The following CCNY variants were observed in gnomAD, a reference collection of about 807,000 sequenced individuals.
CCNY encodes the protein cyclin-Y.
A neutral mutation model predicts 42.8 loss-of-function variants in CCNY; 19 were observed. The observed-to-expected ratio is 0.44, with a 90% CI of 0.31 to 0.65. CCNY has a LOEUF of 0.65. Ranked by LOEUF, CCNY falls within the 30% of genes least tolerant of loss-of-function variation. The pLI is 0.07. For synonymous variants in CCNY, 165 were observed against 162.7 expected (o/e 1.01, Z -0.11); for missense variants, 370 against 437.3 (o/e 0.85, Z 1.37).
At chr10:35,248,694 G>A (rs562190866) in intron 2 of CCNY, among the ~76,000 whole-genome samples, 1 of 151,604 alleles carries the variant, frequency 6.6e-6, no homozygotes, top group African/African-American at 2.4e-5. Flanking sequence ...GACTAGGGCT[G>A]GGTGCAGTGT....
intron 8 of CCNY, among the ~76,000 whole-genome samples, chr10:35,564,153 T>G (rs1174098822): frequency 6.7e-6 from 1 of 150,326 alleles, no homozygotes; most frequent in Non-Finnish European, 1.5e-5. Flanking sequence ...GTGCTGAGAT[T>G]ACAGGTGTGA....
chr10:35,270,511 G>A (rs376191797), intron 3 of CCNY, among the ~76,000 whole-genome samples: 3 of 151,984 alleles, frequency 2.0e-5, no homozygotes, highest in African/African-American at 7.3e-5. Context: ...TTCAGATTTT[G>A]TTCTCACTAT....
chr10:35,534,666 C>G (rs751535321), intron 7 of CCNY, among the ~76,000 whole-genome samples: 17 of 151,982 alleles, frequency 1.1e-4, no homozygotes, highest in Non-Finnish European at 2.1e-4. Flanking sequence ...GTACATTGTA[C>G]AACCATCACT....
intron 1 of CCNY, among the ~76,000 whole-genome samples, chr10:35,434,655 G>T (rs900164897): frequency 8.5e-5 from 13 of 152,174 alleles, no homozygotes; most frequent in African/African-American, 3.1e-4. Context: ...CACTTAGGAA[G>T]TATCACTCTT....
At position 35,521,591 on chromosome 10, in the gene CCNY, T is replaced by C. The variant is rs552943677; in HGVS notation, c.366-4373T>C. 1.6e-3 allele frequency among the ~76,000 whole-genome samples: 237 copies of C among 152,366 alleles called. 1 individual carries two copies. Among genetic ancestry groups the C allele is most frequent in the African/African-American group, 5.4e-3 (225 of 41,598 alleles). ...CAGCACTCCTCCGTCGGACAGCACC[T>C]ACATGGCTCCTGGGCTGTTCTCTGA... is the stretch of plus-strand genomic sequence containing the variant. On this transcript the variant is annotated intron_variant, in intron 4 of 9. Coordinates refer to ENST00000374704, the MANE Select transcript of CCNY (RefSeq NM_145012.6).
chr10:35,336,776 C>G lies in CCNY; in HGVS notation c.-278C>G, dbSNP rs1388626149. 1 of 147,112 alleles carries G rather than the reference C, an allele frequency of 6.8e-6. No homozygotes were observed. The highest frequency in any genetic ancestry group is 1.5e-5 in the Non-Finnish European group (1 of 66,012). 9.1% of individuals were successfully genotyped at this position (147,112 alleles called of 1,614,324 possible). A position where few individuals can be genotyped will look rare whatever the true frequency, so the allele number is the denominator to read the frequency against. ...GAGGTAGGCGCGGCGGCCGCAGTCG[C>G]GCGGACCCGAGCGCTCCTCCGCCGC... is the stretch of plus-strand genomic sequence containing the variant. On this transcript the variant is annotated 5_prime_UTR_variant, in exon 1 of 10. Transcript: ENST00000374704.
At chr10:35,283,399 G>A (rs1282174295) in intron 3 of CCNY, among the ~76,000 whole-genome samples, 2 of 151,682 alleles carry the variant, frequency 1.3e-5, no homozygotes, top group African/African-American at 4.8e-5. Context: ...CAAGTGTAAG[G>A]ACAGTTTTTT....
chr10:35,413,458 G>A (rs188526084), intron 1 of CCNY, among the ~76,000 whole-genome samples: 2 of 152,262 alleles, frequency 1.3e-5, no homozygotes, highest in Admixed American at 1.3e-4. Context: ...ACTGAGGTGA[G>A]GATATGCAGT....
At chr10:35,438,940 G>C (rs922199307) in intron 1 of CCNY, among the ~76,000 whole-genome samples, 3 of 152,088 alleles carry the variant, frequency 2.0e-5, no homozygotes, top group African/African-American at 7.2e-5. Context: ...AGGATTCTGG[G>C]TTGTCACCTC....
chr10:35,356,816 T>A (rs1410159257), intron 1 of CCNY, among the ~76,000 whole-genome samples: 3 of 152,142 alleles, frequency 2.0e-5, no homozygotes, highest in Non-Finnish European at 4.4e-5. Flanking sequence ...CCTCTCTCTC[T>A]CTCCTTAACA....
intron 7 of CCNY, among the ~76,000 whole-genome samples, chr10:35,546,971 A>G (rs1346439482): frequency 6.6e-6 from 1 of 152,158 alleles, no homozygotes; most frequent in Non-Finnish European, 1.5e-5. Context: ...ATTGAGTCAC[A>G]GTCTTCTTTT....
chr10:35,497,885 G>A (rs574541547), intron 2 of CCNY, among the ~76,000 whole-genome samples: 19 of 152,276 alleles, frequency 1.2e-4, no homozygotes, highest in Non-Finnish European at 2.4e-4. Flanking sequence ...GGTACTAAAA[G>A]CTGTTAGGAC....
At chr10:35,558,084 A>G (rs1425437717) in intron 8 of CCNY, among the ~76,000 whole-genome samples, 3 of 152,246 alleles carry the variant, frequency 2.0e-5, no homozygotes, top group Non-Finnish European at 4.4e-5. Flanking sequence ...AAATGAGCCT[A>G]CCAACCCCTG....
chr10:35,329,872 G>A (rs1835922702), intron 3 of CCNY, among the ~76,000 whole-genome samples: 1 of 152,198 alleles, frequency 6.6e-6, no homozygotes, highest in Non-Finnish European at 1.5e-5. Context: ...TTTAAGCAGG[G>A]GAGGGACAGG....
intron 1 of CCNY, among the ~76,000 whole-genome samples, chr10:35,357,589 C>T (rs1456708759): frequency 6.6e-6 from 1 of 152,210 alleles, no homozygotes; most frequent in Admixed American, 6.5e-5. Context: ...AGCAGTGCCT[C>T]GTGTCAGAAG....
chr10:35,563,815 T>G (rs1161798798), intron 8 of CCNY, among the ~76,000 whole-genome samples: 1 of 151,384 alleles, frequency 6.6e-6, no homozygotes, highest in East Asian at 1.9e-4. Context: ...CAAGTGATTC[T>G]CCTGCCTCAC....
At chr10:35,488,271 A>G (rs985568830) in intron 2 of CCNY, among the ~76,000 whole-genome samples, 1 of 152,224 alleles carries the variant, frequency 6.6e-6, no homozygotes, top group Non-Finnish European at 1.5e-5. Context: ...TTGAAAAAAT[A>G]TTCTGTGGCT....
chr10:35,293,139 G>A (rs950486541), intron 3 of CCNY, among the ~76,000 whole-genome samples: 1 of 151,936 alleles, frequency 6.6e-6, no homozygotes, highest in Non-Finnish European at 1.5e-5. Context: ...AATCTATTTG[G>A]GTTTAATTTT....
chr10:35,472,473 T>C (rs535897182), intron 1 of CCNY, among the ~76,000 whole-genome samples: 35 of 152,350 alleles, frequency 2.3e-4, no homozygotes, highest in African/African-American at 8.2e-4. Flanking sequence ...TCTAGTACCT[T>C]ATACCTTCAA....
Sources: gnomAD v4.1 joint callset for allele counts (sites outside exome capture counted in the v4.1 genomes callset) on GRCh38, gnomAD v4.1.1 for gene constraint, MANE v1.5 for transcripts, NCBI Gene and HGNC (gene_info 2026-07-23, HGNC 2026-07-21) for gene names.